The following DEUP1 variants were observed in gnomAD, a reference collection of about 807,000 sequenced individuals.
DEUP1 encodes the protein coiled-coil domain containing 67.
In DEUP1, 82 loss-of-function variants were observed where a neutral mutation model predicts 87.4. The observed-to-expected ratio is 0.94, with a 90% CI of 0.78 to 1.13. DEUP1 has a LOEUF of 1.13. Among genes scored for constraint, DEUP1 ranks in the 50% most tolerant of loss-of-function variants. DEUP1 has a pLI of 0.00. For missense variants in DEUP1, 663 were observed against 681.5 expected (o/e 0.97, Z 0.30); for synonymous variants, 214 against 222.7 (o/e 0.96, Z 0.35).
chr11:93,395,131 G>A (rs1235755343), intron 10 of DEUP1, among the ~76,000 whole-genome samples: 2 of 152,128 alleles, frequency 1.3e-5, no homozygotes, highest in Non-Finnish European at 2.9e-5. Context: ...TGAACATGCA[G>A]TCAATGCACA....
chr11:93,408,684 A>G (rs901167017), intron 12 of DEUP1, among the ~76,000 whole-genome samples: 1 of 152,200 alleles, frequency 6.6e-6, no homozygotes, highest in African/African-American at 2.4e-5. Flanking sequence ...CTGAGGTGGT[A>G]TACAAAACAT....
At chr11:93,431,866 A>G (rs545416248) in intron 13 of DEUP1, among the ~76,000 whole-genome samples, 2 of 152,300 alleles carry the variant, frequency 1.3e-5, no homozygotes, top group Non-Finnish European at 1.5e-5. Context: ...AGATGCTAAT[A>G]CCACTTTCCG....
intron 13 of DEUP1, among the ~76,000 whole-genome samples, chr11:93,431,603 A>G (rs1023535783): frequency 3.3e-5 from 5 of 152,244 alleles, no homozygotes; most frequent in African/African-American, 1.2e-4. Flanking sequence ...AATTTTTAAA[A>G]GATCCTTTTT....
intron 2 of DEUP1, among the ~76,000 whole-genome samples, chr11:93,334,582 C>T (rs1400545902): frequency 1.4e-5 from 2 of 143,210 alleles, no homozygotes; most frequent in Non-Finnish European, 3.2e-5. Context: ...AGCATTCGAG[C>T]AGAGATTATA....
At chr11:93,374,141 T>A (rs12270883) in intron 7 of DEUP1, among the ~76,000 whole-genome samples, 3 of 152,060 alleles carry the variant, frequency 2.0e-5, no homozygotes. Flanking sequence ...TTTGTTTTTT[T>A]CTTCCTGATT....
rs199659588 is a variant in DEUP1 at position 93,392,678 on chromosome 11, A to G, written c.1042-1781A>G. Among the ~76,000 whole-genome samples, 4 of 151,674 alleles carry G rather than the reference A, an allele frequency of 2.6e-5. No homozygotes were observed. The East Asian group carries it at 7.8e-4, about 30-fold the overall frequency. Reference sequence around the variant, plus strand: ...TAACATTCTGGCTACATTTAAAAAAAAGAGAGAGCCTTGTTCTTTTAAAGA... The same window carrying G: ...TAACATTCTGGCTACATTTAAAAAAGAGAGAGAGCCTTGTTCTTTTAAAGA... On this transcript the variant is annotated intron_variant, in intron 9 of 13. Coordinates refer to ENST00000298050, the MANE Select transcript of DEUP1 (RefSeq NM_181645.4).
At chr11:93,410,680 G>A (rs1255682526) in intron 12 of DEUP1, among the ~76,000 whole-genome samples, 2 of 152,196 alleles carry the variant, frequency 1.3e-5, no homozygotes, top group African/African-American at 4.8e-5. Context: ...GCTTTAGATG[G>A]AGATACCAGG....
intron 7 of DEUP1, among the ~76,000 whole-genome samples, chr11:93,376,590 G>A (rs1946053238): frequency 6.6e-6 from 1 of 151,764 alleles, no homozygotes; most frequent in South Asian, 2.1e-4. Context: ...TTCATTATCT[G>A]TTGAATTTTT....
chr11:93,417,729 C>A (rs975435170), intron 13 of DEUP1, among the ~76,000 whole-genome samples: 32 of 149,396 alleles, frequency 2.1e-4, no homozygotes, highest in Admixed American at 6.7e-5. Flanking sequence ...CCAAGTCAAT[C>A]CTAAGCCAAA....
At chr11:93,353,128 A>G (rs1388707585) in intron 2 of DEUP1, among the ~76,000 whole-genome samples, 1 of 152,130 alleles carries the variant, frequency 6.6e-6, no homozygotes, top group Non-Finnish European at 1.5e-5. Context: ...TACTTCCTAG[A>G]TATAATAGGG....
chr11:93,426,994 T>TAAAAAAA (rs1157644297), intron 13 of DEUP1, among the ~76,000 whole-genome samples: 7 of 2,910 alleles, frequency 2.4e-3, no homozygotes, highest in Non-Finnish European at 3.3e-3. Flanking sequence ...TAGAGTATAA[T>TAAAAAAA]AAAAAAAAAA....
rs1394972347 is a variant in DEUP1, at chr11:93,438,316, C to A, written c.*597C>A. 1 of 151,960 alleles carries A rather than the reference C, an allele frequency of 6.6e-6. No individual in the cohort carries two copies. The highest frequency in any genetic ancestry group is 1.5e-5 in the Non-Finnish European group (1 of 68,014). 9.4% of individuals were successfully genotyped at this position (151,960 alleles called of 1,614,324 possible). A position where few individuals can be genotyped will look rare whatever the true frequency, so the allele number is the denominator to read the frequency against. ...GTATATGGAATGTGCAATTTACAAACCTAAAATATATGTGCCAAAAATTAA... is the reference window on the plus strand; with the variant it reads ...GTATATGGAATGTGCAATTTACAAAACTAAAATATATGTGCCAAAAATTAA... On this transcript the variant is annotated 3_prime_UTR_variant, in exon 14 of 14. Transcript: ENST00000298050.
chr11:93,352,992 TC>T (rs1944700475), intron 2 of DEUP1, among the ~76,000 whole-genome samples: 1 of 151,992 alleles, frequency 6.6e-6, no homozygotes, highest in Non-Finnish European at 1.5e-5. Context: ...AATCATGCCT[TC>T]CCAACAGTCC....
intron 11 of DEUP1, among the ~76,000 whole-genome samples, chr11:93,405,892 A>T (rs973672154): frequency 6.6e-6 from 1 of 151,882 alleles, no homozygotes; most frequent in Admixed American, 6.6e-5. Flanking sequence ...TTCGAAAAAG[A>T]TGTTTTACTC....
chr11:93,427,012 GAAAA>G (rs1215051153), intron 13 of DEUP1, among the ~76,000 whole-genome samples: 1 of 11,844 alleles, frequency 8.4e-5, no homozygotes, highest in African/African-American at 4.1e-4. Context: ...AAAAAAAAAA[GAAAA>G]AAAAAAAAAA....
chr11:93,392,976 C>T (rs1041080892), intron 9 of DEUP1, among the ~76,000 whole-genome samples: 1 of 150,490 alleles, frequency 6.6e-6, no homozygotes, highest in Non-Finnish European at 1.5e-5. Flanking sequence ...TCTTCCTCCT[C>T]CTCCGAGCCC....
intron 9 of DEUP1, among the ~76,000 whole-genome samples, chr11:93,391,707 C>CAAA (rs57417014): frequency 3.8e-5 from 3 of 78,132 alleles, no homozygotes; most frequent in Non-Finnish European, 8.3e-5. Flanking sequence ...GACTCCATCT[C>CAAA]AAAAAAAAAA....
chr11:93,342,727 T>C (rs192022245), intron 2 of DEUP1, among the ~76,000 whole-genome samples: 21 of 152,274 alleles, frequency 1.4e-4, no homozygotes, highest in African/African-American at 4.8e-4. Context: ...AGGATAGATA[T>C]TGGGTAGGAA....
chr11:93,356,008 G>A (rs933507914), intron 3 of DEUP1, among the ~76,000 whole-genome samples: 34 of 152,120 alleles, frequency 2.2e-4, no homozygotes, highest in African/African-American at 8.0e-4. Context: ...GTATACCTGG[G>A]ACACCCACTT....
Sources: allele counts gnomAD v4.1 joint callset (sites outside exome capture counted in the v4.1 genomes callset), GRCh38; gene constraint gnomAD v4.1.1; transcripts MANE v1.5; gene names NCBI Gene and HGNC (gene_info 2026-07-23, HGNC 2026-07-21).